ERBB4: variants seen among roughly 807,000 people sequenced by gnomAD.
ERBB4 encodes erb-b2 receptor tyrosine kinase 4.
Under a neutral mutation model 158.0 loss-of-function variants are expected in ERBB4, and 42 were observed. That is an observed-to-expected ratio of 0.27 (90% CI 0.21 to 0.34). The LOEUF (loss-of-function observed/expected upper bound fraction) is 0.34, where lower values mean the gene tolerates loss of function less well. ERBB4 is among the 10% of genes least tolerant of loss of function. ERBB4 has a pLI of 1.00. For missense variants in ERBB4, 1,333 were observed against 1,624.1 expected, an observed-to-expected ratio of 0.82 and a Z score of 3.08; for synonymous variants, 583 against 558.7, an observed-to-expected ratio of 1.04 and a Z score of -0.61.
intron 1 of ERBB4, among the ~76,000 whole-genome samples, chr2:212,375,407 T>C (rs914141359): frequency 3.9e-5 from 6 of 152,094 alleles, no homozygotes; most frequent in Non-Finnish European, 8.8e-5. Flanking sequence ...TCTTGCCTGA[T>C]CTTTTAACAA....
Position 211,726,178 on chromosome 2 carries a change from C to A in ERBB4, c.623-984G>T, listed in dbSNP as rs575003029. Reference sequence around the variant, plus strand: ...TATATTTTCAAACAGATCTTCTAAGCTTTCTTTGTTCCTACCTTATCAAGA... The same window carrying A: ...TATATTTTCAAACAGATCTTCTAAGATTTCTTTGTTCCTACCTTATCAAGA... On this transcript the variant is annotated intron_variant, in intron 5 of 27. Transcript: ENST00000342788. 2.0e-4 allele frequency among the ~76,000 whole-genome samples: 30 copies of A among 152,244 alleles called. 1 individual carries two copies. Among genetic ancestry groups the A allele is most frequent in the Admixed American group, 1.6e-3 (25 of 15,282 alleles).
chr2:212,429,772 C>T (rs1014668834), intron 1 of ERBB4, among the ~76,000 whole-genome samples: 1 of 152,118 alleles, frequency 6.6e-6, no homozygotes, highest in Non-Finnish European at 1.5e-5. Flanking sequence ...AGCCTGTTCA[C>T]CTAATGACCT....
chr2:212,399,123 A>G (rs978844322), intron 1 of ERBB4, among the ~76,000 whole-genome samples: 13 of 151,824 alleles, frequency 8.6e-5, no homozygotes, highest in Non-Finnish European at 1.8e-4. Flanking sequence ...TTGTATTTTT[A>G]GTAGAGACAG....
In ERBB4 at chr2:211,381,483, A is replaced by T. The variant is rs562058099; in HGVS notation, c.*2132T>A. On this transcript the variant is annotated 3_prime_UTR_variant, in exon 28 of 28. Transcript: ENST00000342788. Reference sequence around the variant, plus strand: ...GATATCTTACAGTACAACTGATTATATGACAGCTATTCACAAAAGAGACTA... The same window carrying T: ...GATATCTTACAGTACAACTGATTATTTGACAGCTATTCACAAAAGAGACTA... The T allele has an allele frequency of 2.2e-5, 5 of 231,756 alleles. No homozygotes were observed. The highest frequency in any genetic ancestry group is 1.1e-4 in the African/African-American group (5 of 45,394). The allele number at this position is 231,756 out of a possible 1,614,324, so 14.4% of individuals were successfully genotyped here. A position where few individuals can be genotyped will look rare whatever the true frequency, so the allele number is the denominator to read the frequency against.
chr2:211,846,422 T>C (rs2077590993), intron 3 of ERBB4, among the ~76,000 whole-genome samples: 1 of 152,156 alleles, frequency 6.6e-6, no homozygotes, highest in African/African-American at 2.4e-5. Context: ...CTCCTTTTAT[T>C]ATAAAGCAAT....
intron 1 of ERBB4, among the ~76,000 whole-genome samples, chr2:212,528,182 T>C (rs1347371447): frequency 6.6e-6 from 1 of 152,094 alleles, no homozygotes; most frequent in African/African-American, 2.4e-5. Context: ...AAAGAGCTGC[T>C]GACCTGAAGG....
chr2:212,409,398 G>A (rs925347379), intron 1 of ERBB4, among the ~76,000 whole-genome samples: 1 of 152,058 alleles, frequency 6.6e-6, no homozygotes, highest in African/African-American at 2.4e-5. Context: ...TAAAGTCCTT[G>A]AGATTTGTGG....
At chr2:211,713,314 C>T (rs959019694) in intron 8 of ERBB4, among the ~76,000 whole-genome samples, 6 of 151,900 alleles carry the variant, frequency 3.9e-5, no homozygotes, top group Non-Finnish European at 4.4e-5. Context: ...GTTACATGTG[C>T]GTTTTTTTCT....
At chr2:212,376,378 A>C (rs2090322349) in intron 1 of ERBB4, among the ~76,000 whole-genome samples, 1 of 152,022 alleles carries the variant, frequency 6.6e-6, no homozygotes, top group African/African-American at 2.4e-5. Flanking sequence ...GGGATGCTCA[A>C]GGCATTTTGC....
At chr2:211,632,128 A>T (rs930344082) in intron 16 of ERBB4, among the ~76,000 whole-genome samples, 6 of 152,078 alleles carry the variant, frequency 3.9e-5, no homozygotes, top group Non-Finnish European at 8.8e-5. Context: ...GACAGCTCAA[A>T]GTACTATAGT....
chr2:211,981,865 G>GT lies in ERBB4; in HGVS notation c.235-34250dup, dbSNP rs1389320017. 2.6e-5 allele frequency among the ~76,000 whole-genome samples: 4 copies of GT among 152,156 alleles called. No individual in the cohort carries two copies. In the East Asian group the frequency reaches 7.7e-4, roughly 29 times the overall value. On this transcript the variant is annotated intron_variant, in intron 2 of 27. Coordinates refer to ENST00000342788, the MANE Select transcript of ERBB4 (RefSeq NM_005235.3). Reference sequence around the variant, plus strand: ...GCCTGAATTTCTACTTTGTAACACAGTAGCTGTTTGATACCTCTCACTGAA... The same window carrying GT: ...GCCTGAATTTCTACTTTGTAACACAGTTAGCTGTTTGATACCTCTCACTGAA...
Position 211,797,063 on chromosome 2 carries a change from A to G in ERBB4, c.422-8904T>C, listed in dbSNP as rs534778732. ...GACAAACACAACCAAAGGTATATAAAAAGGATGAGAAATTTAATGTCTTCT... is the reference window on the plus strand; with the variant it reads ...GACAAACACAACCAAAGGTATATAAGAAGGATGAGAAATTTAATGTCTTCT... On this transcript the variant is annotated intron_variant, in intron 3 of 27. Transcript: ENST00000342788. Among the ~76,000 whole-genome samples the G allele has an allele frequency of 2.6e-5, 4 of 152,038 alleles. No homozygotes were observed. In the South Asian group the frequency reaches 8.3e-4, roughly 31 times the overall value.
chr2:211,760,327 A>T (rs143433778), intron 4 of ERBB4, among the ~76,000 whole-genome samples: 1 of 152,312 alleles, frequency 6.6e-6, no homozygotes, highest in South Asian at 2.1e-4. Flanking sequence ...TTCTGTACAC[A>T]TCTATCATAT....
At chr2:211,722,267 A>C (rs937188600) in intron 7 of ERBB4, 126 bp downstream of exon 7, 1 of 746,770 alleles carries the variant, frequency 1.3e-6, no homozygotes, top group African/African-American at 1.8e-5. Context: ...AATGGGGGCA[A>C]TAGTATCTAT....
At chr2:211,891,026 G>T (rs2078951433) in intron 3 of ERBB4, among the ~76,000 whole-genome samples, 1 of 80,048 alleles carries the variant, frequency 1.2e-5, no homozygotes, top group African/African-American at 5.8e-5. Context: ...GGATACCCAG[G>T]AATTGAACTC....
chr2:212,298,129 C>G lies in ERBB4; in HGVS notation c.83-173226G>C, dbSNP rs141451348. On this transcript the variant is annotated intron_variant, in intron 1 of 27. Coordinates refer to ENST00000342788, the MANE Select transcript of ERBB4 (RefSeq NM_005235.3). ...TAACAAGAATCTTTTGGAAACTGAA[C>G]AAATCATAAAGAACTTAAAAAACAA... Among the ~76,000 whole-genome samples, 1,067 of 151,714 alleles carry G rather than the reference C, an allele frequency of 7.0e-3. 14 individuals carry two copies. The highest frequency in any genetic ancestry group is 0.024 in the African/African-American group (1,002 of 41,458).
At chr2:212,237,203 C>T (rs2083912286) in intron 1 of ERBB4, among the ~76,000 whole-genome samples, 1 of 152,186 alleles carries the variant, frequency 6.6e-6, no homozygotes, top group South Asian at 2.1e-4. Context: ...TTTTCCTCAT[C>T]TTCGTGGATT....
chr2:211,385,102 A>G (rs1165330958), intron 27 of ERBB4, among the ~76,000 whole-genome samples: 1 of 152,162 alleles, frequency 6.6e-6, no homozygotes, highest in Non-Finnish European at 1.5e-5. Flanking sequence ...ATTCTGAAAC[A>G]AACTTTCTGT....
intron 20 of ERBB4, among the ~76,000 whole-genome samples, chr2:211,474,669 A>C (rs1290829446): frequency 6.6e-6 from 1 of 152,108 alleles, no homozygotes; most frequent in African/African-American, 2.4e-5. Flanking sequence ...TTTTTTCAAA[A>C]CATTCTAACC....
Sources: allele counts gnomAD v4.1 joint callset (sites outside exome capture counted in the v4.1 genomes callset), GRCh38; gene constraint gnomAD v4.1.1; transcripts MANE v1.5; gene names NCBI Gene and HGNC (gene_info 2026-07-23, HGNC 2026-07-21).